CAP2: variants seen among roughly 807,000 people sequenced by gnomAD.
CAP2 encodes adenylyl cyclase-associated protein 2.
A neutral mutation model predicts 57.7 loss-of-function variants in CAP2; 24 were observed. That is an observed-to-expected ratio of 0.42 (90% CI 0.30 to 0.58). The LOEUF is 0.58. CAP2 is among the 20% of genes least tolerant of loss of function. The pLI is 0.22. For synonymous variants in CAP2, 194 were observed against 207.2 expected (o/e 0.94, Z 0.55); for missense variants, 501 against 590.3 (o/e 0.85, Z 1.57).
At chr6:17,487,705 A>G (rs577539209) in intron 4 of CAP2, among the ~76,000 whole-genome samples, 126 of 152,312 alleles carry the variant, frequency 8.3e-4, no homozygotes, top group African/African-American at 2.8e-3. Context: ...TTCTGGCCTC[A>G]GGTGATCCAC....
At chr6:17,482,173 AAC>A (rs1761304577) in intron 4 of CAP2, among the ~76,000 whole-genome samples, 1 of 152,210 alleles carries the variant, frequency 6.6e-6, no homozygotes. Context: ...GGAACAAAAT[AAC>A]ACAAAGTTAG....
chr6:17,508,377 G>C (rs1253434553), intron 6 of CAP2, among the ~76,000 whole-genome samples: 10 of 152,136 alleles, frequency 6.6e-5, no homozygotes, highest in Non-Finnish European at 1.3e-4. Flanking sequence ...TAGAAAATAG[G>C]CCCAAACGGA....
Position 17,555,648 on chromosome 6 carries a change from C to G in CAP2, c.1351-711C>G, listed in dbSNP as rs111387344. Among the ~76,000 whole-genome samples the G allele has an allele frequency of 2.8e-4, 42 of 152,088 alleles. 1 individual carries two copies. Among genetic ancestry groups the G allele is most frequent in the African/African-American group, 9.9e-4 (41 of 41,470 alleles). On this transcript the variant is annotated intron_variant, in intron 12 of 12. Coordinates refer to ENST00000229922, the MANE Select transcript of CAP2 (RefSeq NM_006366.3). ...GCATGATCTCGGCTGACCGCAACCT[C>G]TGCCTCCTGGGTTCAAGCGATTCTC...
intron 3 of CAP2, among the ~76,000 whole-genome samples, chr6:17,437,273 T>C (rs1759919006): frequency 6.6e-6 from 1 of 152,020 alleles, no homozygotes; most frequent in South Asian, 2.1e-4. Flanking sequence ...GGTCTAGTGG[T>C]TGGCCTGGAG....
At chr6:17,421,354 C>A (rs1267600961) in intron 1 of CAP2, among the ~76,000 whole-genome samples, 1 of 152,050 alleles carries the variant, frequency 6.6e-6, no homozygotes, top group African/African-American at 2.4e-5. Context: ...TCCATGTAAC[C>A]AAAAACCACT....
intron 4 of CAP2, among the ~76,000 whole-genome samples, chr6:17,487,321 C>T (rs559719608): frequency 6.6e-6 from 1 of 152,302 alleles, no homozygotes; most frequent in Non-Finnish European, 1.5e-5. Context: ...CTCTGACTCT[C>T]TCCTCCCTGA....
At chr6:17,530,807 T>G (rs1325810477) in intron 7 of CAP2, 1 of 585,850 alleles carries the variant, frequency 1.7e-6, no homozygotes, top group African/African-American at 1.9e-5. Context: ...TTTCATTTTT[T>G]TGGTCTCCCA....
chr6:17,536,575 A>C (rs1762780040), intron 7 of CAP2, among the ~76,000 whole-genome samples: 1 of 152,232 alleles, frequency 6.6e-6, no homozygotes, highest in African/African-American at 2.4e-5. Flanking sequence ...AGTTCCAAAA[A>C]GTTGAATATG....
chr6:17,504,580 T>C (rs556759269), intron 4 of CAP2, among the ~76,000 whole-genome samples: 7 of 152,304 alleles, frequency 4.6e-5, no homozygotes, highest in Admixed American at 6.5e-5. Context: ...CATTGCTAGC[T>C]GGTCTTGACA....
chr6:17,476,864 C>CTTTTTTTTTTTTTTTTTTT (rs67003718), intron 4 of CAP2, among the ~76,000 whole-genome samples: 1 of 72,408 alleles, frequency 1.4e-5, no homozygotes, highest in Non-Finnish European at 2.3e-5. Flanking sequence ...TTTCTTACTT[C>CTTTTTTTTTTTTTTTTTTT]TTTTTTTTTT....
intron 9 of CAP2, 71 bp from the exon 10 acceptor site, chr6:17,542,766 C>T: frequency 8.1e-7 from 1 of 1,234,618 alleles, no homozygotes; most frequent in Non-Finnish European, 1.2e-6. Flanking sequence ...TGAGCTCGTA[C>T]TAATTTCAGT....
At chr6:17,426,878 G>T (rs1465401812) in intron 3 of CAP2, among the ~76,000 whole-genome samples, 188 bp downstream of exon 3, 1 of 152,188 alleles carries the variant, frequency 6.6e-6, no homozygotes, top group East Asian at 1.9e-4. Context: ...TATGGATAGA[G>T]TATTGTCCAG....
intron 4 of CAP2, among the ~76,000 whole-genome samples, chr6:17,494,606 C>G (rs1761621096): frequency 1.3e-5 from 2 of 152,104 alleles, no homozygotes; most frequent in East Asian, 3.9e-4. Context: ...ACCTTTTTCC[C>G]TCTATGGTTT....
intron 1 of CAP2, among the ~76,000 whole-genome samples, chr6:17,395,644 A>T (rs1758646332): frequency 6.6e-6 from 1 of 152,154 alleles, no homozygotes; most frequent in Non-Finnish European, 1.5e-5. Flanking sequence ...AAAAGCATTA[A>T]CTTATTTTGA....
intron 3 of CAP2, among the ~76,000 whole-genome samples, chr6:17,440,899 C>A (rs1226092764): frequency 6.6e-6 from 1 of 151,220 alleles, no homozygotes; most frequent in Non-Finnish European, 1.5e-5. Context: ...CAGTTCCCAC[C>A]TATGAGTGAG....
chr6:17,440,614 G>GTGTGTGTGTGTGTGTGTGTGTGT (rs1554122866), intron 3 of CAP2, among the ~76,000 whole-genome samples: 8 of 141,594 alleles, frequency 5.6e-5, no homozygotes, highest in Non-Finnish European at 1.2e-4. Flanking sequence ...AACTGTGTGT[G>GTGTGTGTGTGTGTGTGTGTGTGT]GTGTGTGTGT....
intron 4 of CAP2, among the ~76,000 whole-genome samples, chr6:17,490,795 G>A (rs1381692294): frequency 1.3e-5 from 2 of 152,312 alleles, no homozygotes; most frequent in South Asian, 2.1e-4. Context: ...GGGGCAGCCA[G>A]GGCAGCAGGG....
chr6:17,492,194 G>A (rs1761560323), intron 4 of CAP2, among the ~76,000 whole-genome samples: 1 of 152,186 alleles, frequency 6.6e-6, no homozygotes, highest in South Asian at 2.1e-4. Context: ...ATGGGAAATG[G>A]TTGTCTATTT....
intron 7 of CAP2, among the ~76,000 whole-genome samples, chr6:17,526,903 G>C (rs923762170): frequency 1.4e-5 from 2 of 143,618 alleles, no homozygotes; most frequent in Non-Finnish European, 1.5e-5. Flanking sequence ...ATTGCAGTGA[G>C]CTGAGATCAT....
Sources: gnomAD v4.1 joint callset for allele counts (sites outside exome capture counted in the v4.1 genomes callset) on GRCh38, gnomAD v4.1.1 for gene constraint, MANE v1.5 for transcripts, NCBI Gene and HGNC (gene_info 2026-07-23, HGNC 2026-07-21) for gene names.